The following BMPR1B variants were observed in gnomAD, a reference collection of about 807,000 sequenced individuals.
The protein encoded by BMPR1B is bone morphogenetic protein receptor type-1B.
In BMPR1B, 12 loss-of-function variants were observed where a neutral mutation model predicts 59.1. The observed-to-expected ratio is 0.20, with a 90% confidence interval of 0.13 to 0.33. The LOEUF is 0.33. Among genes scored for constraint, BMPR1B ranks in the 10% least tolerant of loss-of-function variants. The probability of loss-of-function intolerance (pLI) is 1.00; values close to 1 mark genes in which losing one functional copy is unlikely to be tolerated. For missense variants in BMPR1B, 550 were observed against 610.9 expected (o/e 0.90, Z 1.05); for synonymous variants, 237 against 207.3 (o/e 1.14, Z -1.23).
chr4:94,900,338 C>CAAAA (rs34541975), intron 2 of BMPR1B, among the ~76,000 whole-genome samples: 1 of 110,234 alleles, frequency 9.1e-6, no homozygotes, highest in Non-Finnish European at 1.9e-5. Flanking sequence ...AAGTGGCCAG[C>CAAAA]AAAAAAAAAA....
chr4:94,890,835 C>A (rs1465587582), intron 2 of BMPR1B, among the ~76,000 whole-genome samples: 2 of 151,954 alleles, frequency 1.3e-5, no homozygotes, highest in Non-Finnish European at 2.9e-5. Flanking sequence ...ACCTAGTTAC[C>A]TCCCAAAGGC....
intron 1 of BMPR1B, among the ~76,000 whole-genome samples, chr4:94,874,081 C>G (rs552579142): frequency 2.6e-4 from 40 of 152,236 alleles, no homozygotes; most frequent in Admixed American, 8.5e-4. Context: ...GTTCATCCAT[C>G]TTGTAGCATG....
chr4:94,814,861 C>T (rs575800725), intron 1 of BMPR1B, among the ~76,000 whole-genome samples: 3 of 152,228 alleles, frequency 2.0e-5, no homozygotes, highest in African/African-American at 7.2e-5. Context: ...GGTATTTTAA[C>T]TCTACCACCT....
At chr4:95,146,891 T>G (rs1333586573) in intron 10 of BMPR1B, among the ~76,000 whole-genome samples, 1 of 152,200 alleles carries the variant, frequency 6.6e-6, no homozygotes, top group Non-Finnish European at 1.5e-5. Flanking sequence ...ATTAAGTCTC[T>G]TCTCAGCATA....
chr4:94,947,147 G>A (rs17401773), intron 2 of BMPR1B, among the ~76,000 whole-genome samples: 16,987 of 152,170 alleles, frequency 0.11, 1,134 homozygotes, highest in Middle Eastern at 0.18. Flanking sequence ...CGGATGTGAG[G>A]TCGTGATTTG....
chr4:94,907,825 C>A (rs115462293), intron 2 of BMPR1B, among the ~76,000 whole-genome samples: 1,583 of 151,582 alleles, frequency 0.01, 15 homozygotes, highest in South Asian at 0.032. Flanking sequence ...ATTTAATACT[C>A]CTTTTTCTAT....
chr4:95,070,065 C>T (rs1210867742), intron 3 of BMPR1B, among the ~76,000 whole-genome samples: 10 of 152,218 alleles, frequency 6.6e-5, no homozygotes, highest in Non-Finnish European at 1.5e-4. Flanking sequence ...CGCCATTGCA[C>T]TCCAGCCTGG....
At chr4:94,985,131 A>T (rs956156771) in intron 2 of BMPR1B, among the ~76,000 whole-genome samples, 1 of 152,128 alleles carries the variant, frequency 6.6e-6, no homozygotes, top group Non-Finnish European at 1.5e-5. Context: ...GGACAGGGCA[A>T]GGTCAAGGTG....
At chr4:95,001,796 G>T (rs1378392049) in intron 3 of BMPR1B, among the ~76,000 whole-genome samples, 1 of 151,910 alleles carries the variant, frequency 6.6e-6, no homozygotes, top group Non-Finnish European at 1.5e-5. Context: ...CGTAGAGGGG[G>T]GCAAAACAAG....
intron 1 of BMPR1B, among the ~76,000 whole-genome samples, chr4:94,845,130 A>T (rs546255113): frequency 5.9e-5 from 9 of 152,184 alleles, no homozygotes; most frequent in Non-Finnish European, 1.3e-4. Context: ...TTATAAAATA[A>T]ATATATCATA....
intron 3 of BMPR1B, among the ~76,000 whole-genome samples, chr4:95,082,803 C>T (rs1437347046): frequency 6.6e-6 from 1 of 151,952 alleles, no homozygotes; most frequent in African/African-American, 2.4e-5. Flanking sequence ...CTTTGGGAGG[C>T]CGAGGCGGGC....
chr4:95,084,198 T>C (rs920149024), intron 3 of BMPR1B, among the ~76,000 whole-genome samples: 2 of 151,314 alleles, frequency 1.3e-5, no homozygotes, highest in African/African-American at 4.8e-5. Flanking sequence ...ACTTATGATA[T>C]ATATCTTTAT....
chr4:94,899,736 T>C (rs1212510396), intron 2 of BMPR1B, among the ~76,000 whole-genome samples: 1 of 151,996 alleles, frequency 6.6e-6, no homozygotes, highest in Non-Finnish European at 1.5e-5. Flanking sequence ...TCATGAAAAT[T>C]TGAGAAAATT....
chr4:94,849,958 A>T (rs1725506609), intron 1 of BMPR1B, among the ~76,000 whole-genome samples: 1 of 152,082 alleles, frequency 6.6e-6, no homozygotes. Context: ...TTCTCTCTCC[A>T]TTTGTTCCAA....
At chr4:94,941,149 C>G (rs766523231) in intron 2 of BMPR1B, among the ~76,000 whole-genome samples, 1 of 152,124 alleles carries the variant, frequency 6.6e-6, no homozygotes, top group East Asian at 1.9e-4. Context: ...ATATGAAGGA[C>G]GGGTGCGCAG....
rs751532146 is a variant in BMPR1B, at chr4:95,130,010, C to A, written c.734C>A (p.Thr245Lys). The A allele has an allele frequency of 2.6e-5, 42 of 1,613,816 alleles. No homozygotes were observed. The highest frequency in any genetic ancestry group is 1.6e-4 in the Middle Eastern group (1 of 6,078). ...GAGGAAGCCAGCTGGTTCAGAGAGA[C>A]AGAAATATATCAGACAGTGTTGATG... ...TTEEASWFRE[T>K]EIYQTVLMRH... Residue 245 changes from threonine to lysine, a missense_variant, in exon 9 of 13, where the codon ACA becomes AAA. Physicochemically the swap from Thr to Lys is moderately conservative, Grantham distance 78. Transcript: ENST00000515059.
intron 1 of BMPR1B, among the ~76,000 whole-genome samples, chr4:94,771,992 T>C (rs1015429811): frequency 6.6e-6 from 1 of 152,208 alleles, no homozygotes; most frequent in Admixed American, 6.5e-5. Context: ...AAGTATGTGC[T>C]AAAAACCACA....
intron 6 of BMPR1B, among the ~76,000 whole-genome samples, chr4:95,119,535 A>C (rs561008075): frequency 6.6e-6 from 1 of 152,216 alleles, no homozygotes; most frequent in Non-Finnish European, 1.5e-5. Flanking sequence ...CTCAAATTAT[A>C]TATAATTCCT....
In BMPR1B at chr4:95,047,903, A is replaced by G. The variant is rs377638050; in HGVS notation, c.-18+51769A>G. 9.9e-5 allele frequency among the ~76,000 whole-genome samples: 15 copies of G among 152,158 alleles called. 1 individual carries two copies. In the East Asian group the frequency reaches 2.9e-3, roughly 29 times the overall value. ...GTACAATTGATCCAGTCACCCTGGT[A>G]GTGAGCATAGTACCCAGTAGTTTTT... On this transcript the variant is annotated intron_variant, in intron 3 of 12. Coordinates refer to ENST00000515059, the MANE Select transcript of BMPR1B (RefSeq NM_001203.3).
Sources: allele counts gnomAD v4.1 joint callset (sites outside exome capture counted in the v4.1 genomes callset), GRCh38; gene constraint gnomAD v4.1.1; transcripts MANE v1.5; gene names NCBI Gene and HGNC (gene_info 2026-07-23, HGNC 2026-07-21).